CTNNA3: variants seen among roughly 807,000 people sequenced by gnomAD.
CTNNA3 encodes the protein catenin alpha-3.
In CTNNA3, 76 loss-of-function variants were observed where a neutral mutation model predicts 95.7. The ratio of observed to expected loss-of-function variants is 0.79; its 90% CI spans 0.66 to 0.96. The LOEUF (loss-of-function observed/expected upper bound fraction) is 0.96. CTNNA3 is among the 40% of genes least tolerant of loss of function. CTNNA3 has a pLI of 0.00. For synonymous variants in CTNNA3, 431 were observed against 374.4 expected (o/e 1.15, Z -1.74); for missense variants, 1,191 against 1,089.8 (o/e 1.09, Z -1.31).
intron 13 of CTNNA3, among the ~76,000 whole-genome samples, chr10:66,106,272 C>T (rs2081901830): frequency 6.6e-6 from 1 of 150,544 alleles, no homozygotes; most frequent in African/African-American, 2.5e-5. Flanking sequence ...CTAGATCATG[C>T]CTTCTTAAAA....
chr10:67,755,213 G>A (rs1256063280), intron 1 of CTNNA3, among the ~76,000 whole-genome samples: 2 of 150,764 alleles, frequency 1.3e-5, no homozygotes, highest in Non-Finnish European at 3.0e-5. Flanking sequence ...AAAAGGTGAT[G>A]ATATACAAAT....
Position 67,182,746 on chromosome 10 carries a change from C to T in CTNNA3, c.844-2226G>A, listed in dbSNP as rs539288629. 2.9e-3 allele frequency among the ~76,000 whole-genome samples: 439 copies of T among 152,264 alleles called. 1 individual carries two copies. The highest frequency in any genetic ancestry group is 4.5e-3 in the Non-Finnish European group (309 of 68,018). On this transcript the variant is annotated intron_variant, in intron 6 of 17. Coordinates refer to ENST00000433211, the MANE Select transcript of CTNNA3 (RefSeq NM_013266.4). ...CAAAAGAAACTACCATCAGAGTGAACAGGCAACCTACAGAATGGGAGAAAA... is the reference window on the plus strand; with the variant it reads ...CAAAAGAAACTACCATCAGAGTGAATAGGCAACCTACAGAATGGGAGAAAA...
intron 5 of CTNNA3, among the ~76,000 whole-genome samples, chr10:67,290,801 A>G (rs775294764): frequency 1.3e-5 from 2 of 152,206 alleles, no homozygotes; most frequent in Non-Finnish European, 2.9e-5. Context: ...AACAATATCA[A>G]TTAAGCACTC....
intron 2 of CTNNA3, among the ~76,000 whole-genome samples, chr10:67,611,445 C>G (rs545920095): frequency 1.3e-5 from 2 of 152,250 alleles, no homozygotes; most frequent in South Asian, 4.1e-4. Context: ...TCCCAAGTAG[C>G]TGGGACTACA....
intron 7 of CTNNA3, among the ~76,000 whole-genome samples, chr10:67,016,277 G>T (rs933278306): frequency 6.6e-6 from 1 of 152,320 alleles, no homozygotes; most frequent in Admixed American, 6.5e-5. Flanking sequence ...AATGTACTGA[G>T]GAAGTTGGCA....
At chr10:66,928,367 A>G (rs1188602720) in intron 7 of CTNNA3, 1 of 1,614,122 alleles carries the variant, frequency 6.2e-7, no homozygotes, top group Non-Finnish European at 8.5e-7. Flanking sequence ...GTAGATTATA[A>G]ACCCACCAAC....
At chr10:67,583,741 G>A (rs1435412439) in intron 3 of CTNNA3, among the ~76,000 whole-genome samples, 1 of 152,104 alleles carries the variant, frequency 6.6e-6, no homozygotes, top group African/African-American at 2.4e-5. Context: ...CCTATTTCTT[G>A]GAGGCTTTGT....
At chr10:67,347,831 T>TGAA (rs1842487349) in intron 5 of CTNNA3, among the ~76,000 whole-genome samples, 1 of 27,016 alleles carries the variant, frequency 3.7e-5, no homozygotes, top group African/African-American at 6.8e-5. Flanking sequence ...AGTGTTTTCC[T>TGAA]GAAAAAAAAA....
At chr10:66,273,347 A>G (rs1356827198) in intron 13 of CTNNA3, among the ~76,000 whole-genome samples, 1 of 152,200 alleles carries the variant, frequency 6.6e-6, no homozygotes, top group Non-Finnish European at 1.5e-5. Context: ...ATGGAACAGC[A>G]TGAGGTTTCA....
At chr10:66,477,991 G>T (rs1207738554) in intron 11 of CTNNA3, among the ~76,000 whole-genome samples, 2 of 152,046 alleles carry the variant, frequency 1.3e-5, no homozygotes, top group Non-Finnish European at 2.9e-5. Flanking sequence ...AGTTCATAAA[G>T]TGTTTGAATA....
chr10:66,635,603 C>T (rs548169835), intron 9 of CTNNA3, among the ~76,000 whole-genome samples: 1 of 152,106 alleles, frequency 6.6e-6, no homozygotes, highest in Non-Finnish European at 1.5e-5. Flanking sequence ...TGTTCAAATG[C>T]TATCATGGGA....
intron 7 of CTNNA3, among the ~76,000 whole-genome samples, chr10:66,873,525 G>T (rs1323193975): frequency 2.0e-5 from 3 of 151,854 alleles, no homozygotes; most frequent in African/African-American, 4.8e-5. Context: ...CTTTTGAGAA[G>T]TGTCTGTTCT....
At position 67,072,766 on chromosome 10, in the gene CTNNA3, C is replaced by T. The variant is rs148043987; in HGVS notation, c.1047+107551G>A. ...CTTTATCTTAGGGCCCTAACAGCTA[C>T]AAAATTTGGTAAATATCTTCAAAAA... On this transcript the variant is annotated intron_variant, in intron 7 of 17. Transcript: ENST00000433211. 6.6e-5 allele frequency among the ~76,000 whole-genome samples: 10 copies of T among 152,282 alleles called. No homozygotes were observed. In the East Asian group the frequency reaches 1.9e-3, roughly 29 times the overall value.
In CTNNA3 at chr10:67,112,320, G is replaced by T. The variant is rs1858947655; in HGVS notation, c.1047+67997C>A. Among the ~76,000 whole-genome samples the T allele has an allele frequency of 4.0e-5, 6 of 151,868 alleles. No homozygotes were observed. The South Asian group carries it at 1.0e-3, about 26-fold the overall frequency. On this transcript the variant is annotated intron_variant, in intron 7 of 17. Coordinates refer to ENST00000433211, the MANE Select transcript of CTNNA3 (RefSeq NM_013266.4). ...GTAATTAAAATGTTTTTACTGACTT[G>T]GTTCCCTTGTCTTTTTTTTCCTTCC... is the stretch of plus-strand genomic sequence containing the variant.
chr10:67,449,016 C>T (rs1846863088), intron 5 of CTNNA3, among the ~76,000 whole-genome samples: 1 of 151,738 alleles, frequency 6.6e-6, no homozygotes, highest in Non-Finnish European at 1.5e-5. Flanking sequence ...ATACAAAAAT[C>T]ACTTCCATTA....
At chr10:66,550,387 C>G (rs2132105602) in intron 10 of CTNNA3, among the ~76,000 whole-genome samples, 1 of 152,222 alleles carries the variant, frequency 6.6e-6, no homozygotes, top group South Asian at 2.1e-4. Flanking sequence ...TTGGCATTCT[C>G]TATCCTTTAA....
At chr10:67,041,318 C>T (rs916406140) in intron 7 of CTNNA3, among the ~76,000 whole-genome samples, 2 of 152,108 alleles carry the variant, frequency 1.3e-5, no homozygotes, top group Admixed American at 6.6e-5. Flanking sequence ...GCTCCCCAAG[C>T]TGCCCAAGGG....
intron 9 of CTNNA3, among the ~76,000 whole-genome samples, chr10:66,679,802 T>C (rs935029549): frequency 6.6e-6 from 1 of 152,206 alleles, no homozygotes; most frequent in Non-Finnish European, 1.5e-5. Flanking sequence ...TACCATTTAC[T>C]GATCTCTGGA....
intron 1 of CTNNA3, among the ~76,000 whole-genome samples, chr10:67,655,034 ATTC>A (rs1334264705): frequency 6.6e-6 from 1 of 152,214 alleles, no homozygotes; most frequent in Non-Finnish European, 1.5e-5. Flanking sequence ...CCAGGTAACT[ATTC>A]TTATTTATTA....
Sources: gnomAD v4.1 joint callset for allele counts (sites outside exome capture counted in the v4.1 genomes callset) on GRCh38, gnomAD v4.1.1 for gene constraint, MANE v1.5 for transcripts, NCBI Gene and HGNC (gene_info 2026-07-23, HGNC 2026-07-21) for gene names.